Variants in RNF217 observed in about 807,000 individuals in gnomAD.
The protein encoded by RNF217 is ring finger protein 217.
RNF217 carries 31 observed loss-of-function variants against 57.8 expected under a neutral mutation model. The ratio of observed to expected loss-of-function variants is 0.54; its 90% CI spans 0.40 to 0.72. The LOEUF (loss-of-function observed/expected upper bound fraction) is 0.72. Among genes scored for constraint, RNF217 ranks in the 30% least tolerant of loss-of-function variants. The pLI, the probability that RNF217 is intolerant of heterozygous loss-of-function variation, is 0.00. For missense variants in RNF217, 696 were observed against 708.3 expected (o/e 0.98, Z 0.20); for synonymous variants, 313 against 294.0 (o/e 1.06, Z -0.66).
At position 125,089,604 on chromosome 6, in the gene RNF217, T is replaced by C. The variant is rs1280865932; in HGVS notation, c.*6667T>C. ...CTTTTTTATTGATATGATTTAGATA[T>C]GCCACACTCAATATATTTAGTATAG... On this transcript the variant is annotated 3_prime_UTR_variant, in exon 6 of 6. Coordinates refer to ENST00000521654, the MANE Select transcript of RNF217 (RefSeq NM_001286398.3). 1 of 152,120 alleles carries C rather than the reference T, an allele frequency of 6.6e-6. No homozygotes were observed. Among genetic ancestry groups the C allele is most frequent in the Non-Finnish European group, 1.5e-5 (1 of 68,012 alleles). The allele number at this position is 152,120 out of a possible 1,614,324, so 9.4% of individuals were successfully genotyped here.
At chr6:125,031,035 G>T (rs1006442311) in intron 1 of RNF217, among the ~76,000 whole-genome samples, 5 of 152,236 alleles carry the variant, frequency 3.3e-5, no homozygotes, top group African/African-American at 1.2e-4. Flanking sequence ...CATGCACGCG[G>T]AACACCACAT....
At position 125,058,045 on chromosome 6, in the gene RNF217, G is replaced by A. The variant is rs148755794; in HGVS notation, c.1220G>A (p.Arg407His). 183 of 1,613,562 alleles carry A rather than the reference G, an allele frequency of 1.1e-4. 1 individual carries two copies. The highest frequency in any genetic ancestry group is 8.0e-4 in the South Asian group (73 of 91,030). ...TACAAAAAAGGAGACAAATTGTTGC[G>A]TCACTGGGCCAGCGAAATTGAGCAT... ...KEYKKGDKLLRHWASEIEHGQ... is the reference protein window; with the variant it reads ...KEYKKGDKLLHHWASEIEHGQ... Residue 407 changes from arginine (R) to histidine (H), a missense_variant, in exon 3 of 6, where the codon CGT (arginine) becomes CAT (histidine). This residue lies in a region of RNF217 where 231 missense variants were observed against 321.4 expected (regional missense o/e 0.72). Transcript: ENST00000521654.
At chr6:124,964,565 C>T (rs1000497607) in intron 1 of RNF217, among the ~76,000 whole-genome samples, 1 of 152,146 alleles carries the variant, frequency 6.6e-6, no homozygotes, top group Non-Finnish European at 1.5e-5. Flanking sequence ...TTTTGGCTAA[C>T]TCATGCTTGG....
intron 1 of RNF217, among the ~76,000 whole-genome samples, chr6:125,034,620 C>T (rs1179779146): frequency 6.6e-6 from 1 of 152,112 alleles, no homozygotes; most frequent in Non-Finnish European, 1.5e-5. Flanking sequence ...AGTTTGAAGT[C>T]AGGTAGCGTG....
chr6:125,058,735 G>A (rs1238712296), intron 3 of RNF217, among the ~76,000 whole-genome samples: 1 of 152,076 alleles, frequency 6.6e-6, no homozygotes, highest in Non-Finnish European at 1.5e-5. Context: ...AAACAGCCAG[G>A]GAAGACTCTC....
intron 3 of RNF217, among the ~76,000 whole-genome samples, chr6:125,066,518 C>T (rs1043179658): frequency 1.3e-5 from 2 of 152,146 alleles, no homozygotes; most frequent in African/African-American, 2.4e-5. Context: ...GTTCTTACCA[C>T]AGATGTGTGC....
chr6:125,042,023 A>G (rs1786902245), intron 1 of RNF217, among the ~76,000 whole-genome samples: 1 of 152,156 alleles, frequency 6.6e-6, no homozygotes, highest in Non-Finnish European at 1.5e-5. Context: ...TCTTGAATTG[A>G]TGAAATACAT....
intron 2 of RNF217, among the ~76,000 whole-genome samples, chr6:125,053,478 A>T (rs1321637378): frequency 6.6e-6 from 1 of 152,144 alleles, no homozygotes; most frequent in East Asian, 1.9e-4. Flanking sequence ...GTGCTACTTT[A>T]CACATGGATG....
intron 1 of RNF217, among the ~76,000 whole-genome samples, chr6:125,006,713 C>T (rs1471774313): frequency 6.6e-6 from 1 of 152,186 alleles, no homozygotes; most frequent in Non-Finnish European, 1.5e-5. Context: ...CTTTGGGAGG[C>T]CAAGGTGGGC....
chr6:125,009,378 A>G (rs1315114224), intron 1 of RNF217: 17 of 729,036 alleles, frequency 2.3e-5, no homozygotes, highest in Non-Finnish European at 3.8e-5. Context: ...TCACAGACAT[A>G]GAGCCTGGAA....
At chr6:125,069,922 G>A (rs9491301) in intron 3 of RNF217, among the ~76,000 whole-genome samples, 16,755 of 151,908 alleles carry the variant, frequency 0.11, 976 homozygotes, top group African/African-American at 0.12. Context: ...AAATTCTTTA[G>A]TGGTGATTTC....
At chr6:125,015,653 T>C (rs1413598) in intron 1 of RNF217, among the ~76,000 whole-genome samples, 97,369 of 151,584 alleles carry the variant, frequency 0.64, 31,569 homozygotes, top group East Asian at 0.78. Flanking sequence ...ATATTGGTAT[T>C]GCTACATCCA....
At chr6:125,014,360 G>A (rs1482923316) in intron 1 of RNF217, among the ~76,000 whole-genome samples, 2 of 152,042 alleles carry the variant, frequency 1.3e-5, no homozygotes, top group African/African-American at 4.8e-5. Context: ...CCACAGCCTC[G>A]GTACAATTCT....
intron 3 of RNF217, among the ~76,000 whole-genome samples, chr6:125,061,348 T>C (rs543223626): frequency 1.3e-5 from 2 of 151,940 alleles, no homozygotes; most frequent in African/African-American, 4.8e-5. Flanking sequence ...ATTTTTTAAA[T>C]ATTAATTTAA....
At chr6:125,008,945 T>C (rs1273543357) in intron 1 of RNF217, 2 of 210,896 alleles carry the variant, frequency 9.5e-6, no homozygotes, top group Non-Finnish European at 1.9e-5. Flanking sequence ...TTCTCCATAC[T>C]GACAGTAGCA....
Position 125,085,302 on chromosome 6 carries a change from T to C in RNF217, c.*2365T>C, listed in dbSNP as rs1788741068. Reference sequence around the variant, plus strand: ...ATGGCTATTTCATCAGTGCTTGAAATAGTGTGCACTGTGTTGCACAGGTTT... The same window carrying C: ...ATGGCTATTTCATCAGTGCTTGAAACAGTGTGCACTGTGTTGCACAGGTTT... On this transcript the variant is annotated 3_prime_UTR_variant, in exon 6 of 6. Transcript: ENST00000521654. 6.6e-6 allele frequency: 1 copy of C among 151,864 alleles called. No individual in the cohort carries two copies. Among genetic ancestry groups the C allele is most frequent in the Non-Finnish European group, 1.5e-5 (1 of 67,842 alleles). The allele number at this position is 151,864 out of a possible 1,614,324, so 9.4% of individuals were successfully genotyped here.
At chr6:125,010,828 G>A (rs758734298) in intron 1 of RNF217, among the ~76,000 whole-genome samples, 1 of 152,156 alleles carries the variant, frequency 6.6e-6, no homozygotes, top group Non-Finnish European at 1.5e-5. Flanking sequence ...AGAGAGAGCT[G>A]AGGAATGATC....
At chr6:125,073,109 T>A (rs531541114) in intron 3 of RNF217, among the ~76,000 whole-genome samples, 1 of 152,296 alleles carries the variant, frequency 6.6e-6, no homozygotes, top group South Asian at 2.1e-4. Flanking sequence ...CACTTTAAGA[T>A]CAAACACAAT....
intron 1 of RNF217, among the ~76,000 whole-genome samples, chr6:125,021,396 G>A (rs1272858704): frequency 6.6e-6 from 1 of 151,638 alleles, no homozygotes; most frequent in African/African-American, 2.4e-5. Flanking sequence ...CTCCCAAGTA[G>A]CTGGGATTAC....
Sources: allele counts gnomAD v4.1 joint callset (sites outside exome capture counted in the v4.1 genomes callset), GRCh38; gene constraint gnomAD v4.1.1; regional missense constraint gnomAD v4.1.1; transcripts MANE v1.5; gene names NCBI Gene and HGNC (gene_info 2026-07-23, HGNC 2026-07-21).